ARHGAP23: variants seen among roughly 807,000 people sequenced by gnomAD.
ARHGAP23 encodes the protein rho GTPase-activating protein 23.
A neutral mutation model predicts 136.3 loss-of-function variants in ARHGAP23; 34 were observed. The observed-to-expected ratio is 0.25, with a 90% CI of 0.19 to 0.33. ARHGAP23 has a LOEUF of 0.33. Ranked by LOEUF, ARHGAP23 falls within the 10% of genes least tolerant of loss-of-function variation. The probability of loss-of-function intolerance (pLI) is 1.00; values close to 1 mark genes in which losing one functional copy is unlikely to be tolerated. For missense variants in ARHGAP23, 1,808 were observed against 2,139.0 expected (o/e 0.85, Z 3.05); for synonymous variants, 832 against 920.5 (o/e 0.90, Z 1.74).
At chr17:38,475,773 G>A (rs1199065609) in intron 11 of ARHGAP23, among the ~76,000 whole-genome samples, 2 of 152,174 alleles carry the variant, frequency 1.3e-5, no homozygotes, top group African/African-American at 4.8e-5. Context: ...GGACGGACAA[G>A]CTCCCTGTCC....
chr17:38,424,812 A>C (rs145885313), upstream of ARHGAP23, among the ~76,000 whole-genome samples: 7 of 152,336 alleles, frequency 4.6e-5, no homozygotes, highest in South Asian at 6.2e-4. Flanking sequence ...TATCCATAGA[A>C]TGAGGATTGA....
rs751460521 is a variant in ARHGAP23 at position 38,466,957 on chromosome 17, C to T, written c.1274C>T (p.Ser425Leu). The T allele has an allele frequency of 6.4e-7, 1 of 1,550,536 alleles. No individual in the cohort carries two copies. The highest frequency in any genetic ancestry group is 1.2e-5 in the South Asian group (1 of 84,066). Residue 425 changes from serine to leucine, a missense_variant, in exon 7 of 24, where the codon TCA (serine) becomes TTA (leucine). Physicochemically the swap from Ser to Leu is moderately radical, Grantham distance 145. This residue lies in a region of ARHGAP23 where 859 missense variants were observed against 936.4 expected (regional missense o/e 0.92). Coordinates refer to ENST00000622683, the MANE Select transcript of ARHGAP23 (RefSeq NM_001199417.2). ...ATCGGCTACCGGAGCTACAGCCCATCATTCCAGCGCCGGACCGGCCTCCTC... is the reference window on the plus strand; with the variant it reads ...ATCGGCTACCGGAGCTACAGCCCATTATTCCAGCGCCGGACCGGCCTCCTC... ...GYIGYRSYSP[S>L]FQRRTGLLHA...
At chr17:38,448,858 CTTTT>C (rs1241989813) in intron 1 of ARHGAP23, among the ~76,000 whole-genome samples, 5 of 124,196 alleles carry the variant, frequency 4.0e-5, no homozygotes, top group Non-Finnish European at 4.9e-5. Context: ...GTTGCCCAGC[CTTTT>C]TTTTTTTTTT....
rs1279274260 is a variant in ARHGAP23 at position 38,509,058 on chromosome 17, C to T, written c.3448-886C>T. 9.8e-4 allele frequency among the ~76,000 whole-genome samples: 89 copies of T among 90,884 alleles called. 1 individual carries two copies. The East Asian group carries it at 0.024, about 25-fold the overall frequency. 59.6% of individuals were successfully genotyped at this position (90,884 alleles called of 152,430 possible). On this transcript the variant is annotated intron_variant, in intron 23 of 23. Coordinates refer to ENST00000622683, the MANE Select transcript of ARHGAP23 (RefSeq NM_001199417.2). ...GGGAAGGCAGGGGCGGGGCGGGGGGCGGGCAAGAAGAACCTCCCAAGAGGC... is the reference window on the plus strand; with the variant it reads ...GGGAAGGCAGGGGCGGGGCGGGGGGTGGGCAAGAAGAACCTCCCAAGAGGC...
At chr17:38,489,621 TTG>T (rs1183731938) in intron 17 of ARHGAP23, 1 of 154,988 alleles carries the variant, frequency 6.5e-6, no homozygotes, top group African/African-American at 2.4e-5. Context: ...CTGGCTGTCT[TTG>T]TGCGTTAGCT....
intron 3 of ARHGAP23, 94 bp from the exon 4 acceptor site, chr17:38,462,752 A>G (rs2039491308): frequency 1.1e-6 from 1 of 905,718 alleles, no homozygotes; most frequent in Non-Finnish European, 1.6e-6. Flanking sequence ...GACGAGTGCA[A>G]TCATTCTCTG....
chr17:38,427,014 C>A (rs2038579879), upstream of ARHGAP23, among the ~76,000 whole-genome samples: 1 of 152,210 alleles, frequency 6.6e-6, no homozygotes, highest in Non-Finnish European at 1.5e-5. Context: ...CTATTTTATC[C>A]TCCGCCTTCT....
chr17:38,450,981 G>T (rs1308773232), intron 1 of ARHGAP23: 1 of 152,324 alleles, frequency 6.6e-6, no homozygotes, highest in Non-Finnish European at 1.5e-5. Context: ...TCTGATGCAG[G>T]GGGAGGAAGC....
At chr17:38,499,453 C>T (rs1208852001) in intron 22 of ARHGAP23, among the ~76,000 whole-genome samples, 1 of 152,220 alleles carries the variant, frequency 6.6e-6, no homozygotes, top group African/African-American at 2.4e-5. Flanking sequence ...GATTTACATG[C>T]TCAGAGACAG....
At chr17:38,488,872 A>G (rs2040212310) in intron 17 of ARHGAP23, among the ~76,000 whole-genome samples, 1 of 149,938 alleles carries the variant, frequency 6.7e-6, no homozygotes, top group African/African-American at 2.5e-5. Flanking sequence ...TTTTATTTTT[A>G]TTTAATTTTA....
chr17:38,491,858 C>A, intron 20 of ARHGAP23: 1 of 340,830 alleles, frequency 2.9e-6, no homozygotes, highest in South Asian at 5.3e-5. Flanking sequence ...GCGGAAGGGG[C>A]AGCTTCAGAA....
At chr17:38,450,033 T>C (rs985673742) in intron 1 of ARHGAP23, among the ~76,000 whole-genome samples, 4 of 152,184 alleles carry the variant, frequency 2.6e-5, no homozygotes, top group Non-Finnish European at 5.9e-5. Flanking sequence ...CTGTGAGGGA[T>C]AGCCTGGGAG....
intron 1 of ARHGAP23, among the ~76,000 whole-genome samples, chr17:38,439,553 C>T (rs1318474722): frequency 6.6e-6 from 1 of 152,216 alleles, no homozygotes; most frequent in African/African-American, 2.4e-5. Context: ...TTGGTTATAG[C>T]AAACTTGTAT....
chr17:38,434,677 C>T (rs1465923479), intron 1 of ARHGAP23, among the ~76,000 whole-genome samples: 2 of 152,228 alleles, frequency 1.3e-5, no homozygotes, highest in Non-Finnish European at 2.9e-5. Context: ...TGGGGGTGCA[C>T]CTAGGCAGGG....
chr17:38,485,200 T>G (rs1456283183), intron 16 of ARHGAP23, among the ~76,000 whole-genome samples: 13 of 152,142 alleles, frequency 8.5e-5, no homozygotes, highest in Non-Finnish European at 1.6e-4. Context: ...CTGGAGGGAA[T>G]TTGACATCAT....
chr17:38,509,363 TGGC>T (rs773267838), intron 23 of ARHGAP23, among the ~76,000 whole-genome samples: 5 of 147,020 alleles, frequency 3.4e-5, no homozygotes, highest in Non-Finnish European at 7.5e-5. Flanking sequence ...GATTGGGGAT[TGGC>T]GGGGTGGGGA....
rs1181351911 is a variant in ARHGAP23, at chr17:38,466,353, G to A, written c.670G>A (p.Ala224Thr). 12 of 1,541,410 alleles carry A rather than the reference G, an allele frequency of 7.8e-6. No individual in the cohort carries two copies. The highest frequency in any genetic ancestry group is 1.4e-5 in the African/African-American group (1 of 72,938). ...GCCCAGTGACCCCCGGAGTCCTGCT[G>A]CCTGGAGTGACCCGGGGCTCCGTGT... The part of the protein sequence containing the change: ...ALPSDPRSPA[A>T]WSDPGLRVPP... The change falls in exon 7 of 24, where the codon GCC (alanine) becomes ACC (threonine). Residue 224 changes from alanine to threonine, a missense_variant. By Grantham distance (58) the Ala-to-Thr change is moderately conservative. This residue lies in a region of ARHGAP23 where 859 missense variants were observed against 936.4 expected (regional missense o/e 0.92). Coordinates refer to ENST00000622683, the MANE Select transcript of ARHGAP23 (RefSeq NM_001199417.2).
In ARHGAP23 at chr17:38,510,604, G is replaced by C. The variant is rs1002679756; in HGVS notation, c.4108G>C (p.Glu1370Gln). The C allele has an allele frequency of 7.7e-7, 1 of 1,293,704 alleles. No homozygotes were observed. The highest frequency in any genetic ancestry group is 1.6e-5 in the African/African-American group (1 of 64,074). The allele number at this position is 1,293,704 out of a possible 1,614,324, so 80.1% of individuals were successfully genotyped here. A position where few individuals can be genotyped will look rare whatever the true frequency, so the allele number is the denominator to read the frequency against. ...AALASRPSRMEALRLRLRGTA... is the reference protein window; with the variant it reads ...AALASRPSRMQALRLRLRGTA... ...GCTGGCCTCCCGGCCCTCGCGCATGGAGGCGCTGCGTCTAAGGCTCCGCGG... is the reference window on the plus strand; with the variant it reads ...GCTGGCCTCCCGGCCCTCGCGCATGCAGGCGCTGCGTCTAAGGCTCCGCGG... The change falls in exon 24 of 24, where the codon GAG (glutamate) becomes CAG (glutamine). Residue 1370 changes from glutamate (E) to glutamine (Q), a missense_variant. Physicochemically the swap from Glu to Gln is conservative, Grantham distance 29. Transcript: ENST00000622683. The surrounding 1 kb of genome is among the most constrained non-coding windows in gnomAD (Gnocchi z 4.6).
chr17:38,506,695 G>A (rs960306757), intron 23 of ARHGAP23, among the ~76,000 whole-genome samples: 15 of 152,098 alleles, frequency 9.9e-5, no homozygotes, highest in Admixed American at 7.9e-4. Context: ...TCTAATAACC[G>A]CACTAATCCC....
Sources: allele counts gnomAD v4.1 joint callset (sites outside exome capture counted in the v4.1 genomes callset), GRCh38; gene constraint gnomAD v4.1.1; regional missense constraint gnomAD v4.1.1; non-coding constraint Gnocchi (gnomAD v3.1); transcripts MANE v1.5; gene names NCBI Gene and HGNC (gene_info 2026-07-23, HGNC 2026-07-21).